MAGI1: variants seen among roughly 807,000 people sequenced by gnomAD.
MAGI1 encodes the protein membrane-associated guanylate kinase, WW and PDZ domain-containing protein 1.
Under a neutral mutation model 139.9 loss-of-function variants are expected in MAGI1, and 58 were observed. The observed-to-expected ratio is 0.41, with a 90% CI of 0.34 to 0.52. The LOEUF (loss-of-function observed/expected upper bound fraction) is 0.52. MAGI1 is among the 20% of genes least tolerant of loss of function. The pLI is 0.12. For missense variants in MAGI1, 1,874 were observed against 1,901.6 expected (o/e 0.99, Z 0.27); for synonymous variants, 812 against 737.9 (o/e 1.10, Z -1.63).
intron 2 of MAGI1, among the ~76,000 whole-genome samples, chr3:65,519,929 T>C (rs1488285283): frequency 6.6e-6 from 1 of 152,184 alleles, no homozygotes; most frequent in African/African-American, 2.4e-5. Flanking sequence ...CTTCCATGGC[T>C]AGGTGAGAAG....
At chr3:65,360,875 C>A in intron 22 of MAGI1, 1 of 1,211,274 alleles carries the variant, frequency 8.3e-7, no homozygotes, top group Non-Finnish European at 1.0e-6. Context: ...TTTGTGCTAA[C>A]AATTGGATCT....
intron 1 of MAGI1, among the ~76,000 whole-genome samples, chr3:65,822,391 G>A (rs990995672): frequency 2.6e-5 from 4 of 152,192 alleles, no homozygotes; most frequent in East Asian, 3.9e-4. Flanking sequence ...AGCCGAGTGC[G>A]GTGGTGCATG....
At chr3:65,399,450 C>G (rs538168185) in intron 13 of MAGI1, among the ~76,000 whole-genome samples, 49 of 152,298 alleles carry the variant, frequency 3.2e-4, no homozygotes, top group African/African-American at 1.2e-3. Context: ...CGACAGCTCC[C>G]AAATTTTGTA....
intron 2 of MAGI1, among the ~76,000 whole-genome samples, chr3:65,556,343 A>C (rs538887883): frequency 6.6e-6 from 1 of 152,332 alleles, no homozygotes; most frequent in East Asian, 1.9e-4. Context: ...TTAGACTAGA[A>C]TTACATTTTT....
At chr3:65,686,581 G>A (rs893230268) in intron 1 of MAGI1, among the ~76,000 whole-genome samples, 4 of 152,256 alleles carry the variant, frequency 2.6e-5, no homozygotes, top group African/African-American at 7.2e-5. Context: ...ATGAGCCATC[G>A]CACCCAGCCC....
intron 1 of MAGI1, among the ~76,000 whole-genome samples, chr3:65,713,849 G>A (rs1322468404): frequency 6.6e-6 from 1 of 152,118 alleles, no homozygotes; most frequent in East Asian, 1.9e-4. Context: ...TAATTTAGCT[G>A]CTGGGAAAAC....
intron 1 of MAGI1, among the ~76,000 whole-genome samples, chr3:65,999,996 G>A (rs1333098072): frequency 2.2e-5 from 2 of 89,682 alleles, no homozygotes; most frequent in African/African-American, 9.2e-5. Flanking sequence ...TTTTTGATAC[G>A]GAGTCTCGCT....
chr3:66,036,253 C>T (rs1353023398), intron 1 of MAGI1, among the ~76,000 whole-genome samples: 5 of 152,216 alleles, frequency 3.3e-5, no homozygotes, highest in African/African-American at 1.2e-4. Context: ...TGTACAGGCA[C>T]TGTTGGGTGC....
chr3:65,766,428 G>C (rs187373822), intron 1 of MAGI1, among the ~76,000 whole-genome samples: 8 of 152,004 alleles, frequency 5.3e-5, no homozygotes, highest in African/African-American at 9.7e-5. Flanking sequence ...ATAGAAATTC[G>C]AAACTACGTT....
At chr3:66,005,693 G>T (rs1460457388) in intron 1 of MAGI1, among the ~76,000 whole-genome samples, 1 of 152,102 alleles carries the variant, frequency 6.6e-6, no homozygotes, top group African/African-American at 2.4e-5. Flanking sequence ...ATAGCTGAAG[G>T]ACAAAGACAA....
chr3:65,391,466 A>T, intron 13 of MAGI1, 108 bp from the exon 14 acceptor site: 1 of 818,310 alleles, frequency 1.2e-6, no homozygotes, highest in Non-Finnish European at 1.9e-6. Context: ...ATACACATAC[A>T]TATCAACAGT....
At chr3:65,801,578 C>G (rs982553196) in intron 1 of MAGI1, among the ~76,000 whole-genome samples, 1 of 152,148 alleles carries the variant, frequency 6.6e-6, no homozygotes, top group Admixed American at 6.5e-5. Context: ...ATCCAGGTCT[C>G]CATCTCCCTG....
chr3:65,709,153 G>T (rs2107642142), intron 1 of MAGI1, among the ~76,000 whole-genome samples: 1 of 152,238 alleles, frequency 6.6e-6, no homozygotes, highest in South Asian at 2.1e-4. Flanking sequence ...TTCTCTTTTG[G>T]TGACAGAAAT....
At chr3:65,717,411 T>C (rs549177759) in intron 1 of MAGI1, 2 of 152,152 alleles carry the variant, frequency 1.3e-5, no homozygotes, top group Non-Finnish European at 2.9e-5. Flanking sequence ...GAGATGGAGA[T>C]GAAGCAATCT....
chr3:65,709,633 A>G (rs1004991223), intron 1 of MAGI1, among the ~76,000 whole-genome samples: 1 of 152,236 alleles, frequency 6.6e-6, no homozygotes, highest in African/African-American at 2.4e-5. Context: ...GCAAGACCAG[A>G]TGCACTTCGG....
chr3:65,666,706 G>A (rs1429148629), intron 1 of MAGI1, among the ~76,000 whole-genome samples: 1 of 152,118 alleles, frequency 6.6e-6, no homozygotes, highest in Non-Finnish European at 1.5e-5. Flanking sequence ...TCCTGCTGGT[G>A]GAGGCCATAG....
intron 13 of MAGI1, among the ~76,000 whole-genome samples, chr3:65,399,459 T>C: frequency 6.6e-6 from 1 of 152,188 alleles, no homozygotes; most frequent in East Asian, 1.9e-4. Flanking sequence ...CCAAATTTTG[T>C]ACAGCAACTG....
chr3:65,829,636 T>C (rs1032451317), intron 1 of MAGI1, among the ~76,000 whole-genome samples: 2 of 152,220 alleles, frequency 1.3e-5, no homozygotes, highest in African/African-American at 4.8e-5. Context: ...GCAGCCCTAA[T>C]ACACTAAGAC....
intron 2 of MAGI1, among the ~76,000 whole-genome samples, chr3:65,542,153 T>G (rs1407462143): frequency 2.0e-5 from 3 of 152,088 alleles, no homozygotes; most frequent in Admixed American, 1.3e-4. Flanking sequence ...AAATAATGAG[T>G]GAACTCCCAT....
Sources: gnomAD v4.1 joint callset for allele counts (sites outside exome capture counted in the v4.1 genomes callset) on GRCh38, gnomAD v4.1.1 for gene constraint, MANE v1.5 for transcripts, NCBI Gene and HGNC (gene_info 2026-07-23, HGNC 2026-07-21) for gene names.